MNT: variants seen among roughly 807,000 people sequenced by gnomAD.
MNT encodes the protein MAX network transcriptional repressor.
MNT carries 13 observed loss-of-function variants against 40.7 expected under a neutral mutation model. The observed-to-expected ratio is 0.32, with a 90% confidence interval of 0.21 to 0.51. The LOEUF (loss-of-function observed/expected upper bound fraction) is 0.51, where lower values mean the gene tolerates loss of function less well. Among genes scored for constraint, MNT ranks in the 20% least tolerant of loss-of-function variants. MNT has a pLI of 0.98. For synonymous variants in MNT, 426 were observed against 354.8 expected (o/e 1.20, Z -2.26); for missense variants, 757 against 792.0 (o/e 0.96, Z 0.53).
chr17:2,395,586 C>G lies in MNT; in HGVS notation c.74-132G>C. On this transcript the variant is annotated intron_variant, in intron 1 of 5. Coordinates refer to ENST00000174618, the MANE Select transcript of MNT (RefSeq NM_020310.3). ...CTCAGCGAGAGACACCACAAATAGC[C>G]TACCAGCCCAGCCAGGCACGGGGGA... 3 of 1,469,926 alleles carry G rather than the reference C, an allele frequency of 2.0e-6. No individual in the cohort carries two copies. In the Middle Eastern group the frequency reaches 5.3e-4, roughly 260 times the overall value. The allele number at this position is 1,469,926 out of a possible 1,614,324, so 91.1% of individuals were successfully genotyped here.
chr17:2,388,132 C>T, intron 4 of MNT, 83 bp from the exon 5 acceptor site: 1 of 1,366,146 alleles, frequency 7.3e-7, no homozygotes, highest in Non-Finnish European at 9.9e-7. Flanking sequence ...TCCCTATCAG[C>T]TGGCCCACAG....
At chr17:2,394,505 C>G (rs2151670550) in intron 2 of MNT, among the ~76,000 whole-genome samples, 159 bp from the exon 3 acceptor site, 1 of 152,280 alleles carries the variant, frequency 6.6e-6, no homozygotes, top group Non-Finnish European at 1.5e-5. Context: ...TGCGCCCACC[C>G]CCTGGAGGAC....
chr17:2,391,495 C>G (rs1433876938), intron 4 of MNT: 1 of 152,398 alleles, frequency 6.6e-6, no homozygotes, highest in South Asian at 2.1e-4. Context: ...CCTACAGACC[C>G]CTGCAAGGTT....
rs940047529 is a variant in MNT at position 2,393,934 on chromosome 17, G to C, written c.807+109C>G. The C allele has an allele frequency of 6.1e-5, 38 of 626,528 alleles. No individual in the cohort carries two copies. In the African/African-American group the frequency reaches 7.3e-4, roughly 12 times the overall value. 38.8% of individuals were successfully genotyped at this position (626,528 alleles called of 1,614,324 possible). Reference sequence around the variant, plus strand: ...AGCGCCCGCGTGGAGGTGGGAGGGAGGCGCGGGGGAGCCGCCGGGGCGTGA... The same window carrying C: ...AGCGCCCGCGTGGAGGTGGGAGGGACGCGCGGGGGAGCCGCCGGGGCGTGA... On this transcript the variant is annotated intron_variant, in intron 4 of 5. Coordinates refer to ENST00000174618, the MANE Select transcript of MNT (RefSeq NM_020310.3).
Position 2,386,887 on chromosome 17 carries a change from G to A in MNT, c.*14C>T, listed in dbSNP as rs117112940. 2,261 of 1,456,860 alleles carry A rather than the reference G, an allele frequency of 1.6e-3. 3 individuals are homozygous for A. The highest frequency in any genetic ancestry group is 2.7e-3 in the South Asian group (188 of 68,492). 90.2% of individuals were successfully genotyped at this position (1,456,860 alleles called of 1,614,324 possible). A position where few individuals can be genotyped will look rare whatever the true frequency, so the allele number is the denominator to read the frequency against. ...CTCCCTGTCCCCACTGGGGGCCTCT[G>A]AGTGGCCTCGTCCTCAAGCCAGCTT... On this transcript the variant is annotated 3_prime_UTR_variant, in exon 6 of 6. Coordinates refer to ENST00000174618, the MANE Select transcript of MNT (RefSeq NM_020310.3).
In MNT at chr17:2,399,452, G is replaced by A. The variant is rs550210919; in HGVS notation, c.73+1188C>T. Among the ~76,000 whole-genome samples, 220 of 152,314 alleles carry A rather than the reference G, an allele frequency of 1.4e-3. 1 individual carries two copies. The highest frequency in any genetic ancestry group is 5.0e-3 in the African/African-American group (209 of 41,580). On this transcript the variant is annotated intron_variant, in intron 1 of 5. Transcript: ENST00000174618. Reference sequence around the variant, plus strand: ...ACGTTTTGGGGGTCAGTGGAAAAATGTGAGCTCTAAATGTCTCGTCGCCCT... The same window carrying A: ...ACGTTTTGGGGGTCAGTGGAAAAATATGAGCTCTAAATGTCTCGTCGCCCT...
chr17:2,399,631 G>T (rs2066601173), intron 1 of MNT, among the ~76,000 whole-genome samples: 1 of 152,116 alleles, frequency 6.6e-6, no homozygotes, highest in East Asian at 1.9e-4. Flanking sequence ...CCCAGCGCAA[G>T]GCCCCTTGCC....
At chr17:2,398,540 T>C (rs1203178201) in intron 1 of MNT, among the ~76,000 whole-genome samples, 1 of 152,206 alleles carries the variant, frequency 6.6e-6, no homozygotes, top group African/African-American at 2.4e-5. Context: ...AAATGAATTC[T>C]GGAGGAGAAA....
chr17:2,398,572 ACC>A (rs776546382), intron 1 of MNT, among the ~76,000 whole-genome samples: 1 of 152,150 alleles, frequency 6.6e-6, no homozygotes, highest in Non-Finnish European at 1.5e-5. Context: ...GGTTCCGGAC[ACC>A]CGTACATGAG....
At position 2,400,662 on chromosome 17, in the gene MNT, C is replaced by T; in HGVS notation, c.51G>A (p.Ala17=). The T allele has an allele frequency of 2.5e-6, 4 of 1,586,064 alleles. No homozygotes were observed. The highest frequency in any genetic ancestry group is 1.8e-5 in the Admixed American group (1 of 57,058). ...LEAARFLEWQ[A]QQQQRAREEQ... is the part of the protein sequence containing the mutation. The stretch of plus-strand genomic sequence containing the variant: ...CACCACGTGCTCTCTGTTGTTGCTG[C>T]GCTTGCCATTCCAGGAAGCGGGCCG... Residue 17 remains alanine (A), a synonymous_variant, in exon 1 of 6, where the codon GCG becomes GCA. Coordinates refer to ENST00000174618, the MANE Select transcript of MNT (RefSeq NM_020310.3).
At chr17:2,400,494 C>T in intron 1 of MNT, 146 bp downstream of exon 1, 1 of 613,472 alleles carries the variant, frequency 1.6e-6, no homozygotes, top group Non-Finnish European at 2.7e-6. Context: ...CCTCCCCAGG[C>T]GGCGGCTCTC....
intron 1 of MNT, among the ~76,000 whole-genome samples, chr17:2,395,814 G>A (rs1022411398): frequency 3.3e-5 from 5 of 151,494 alleles, no homozygotes; most frequent in Non-Finnish European, 7.4e-5. Context: ...GAGGAAGGCG[G>A]GTGAGGGCAG....
chr17:2,400,477 C>G lies in MNT; in HGVS notation c.73+163G>C, dbSNP rs1453872713. ...ATTCATTAATTAATTTCACTGCCCACATCACCCCTCCCCAGGCGGCGGCTC... is the reference window on the plus strand; with the variant it reads ...ATTCATTAATTAATTTCACTGCCCAGATCACCCCTCCCCAGGCGGCGGCTC... On this transcript the variant is annotated intron_variant, in intron 1 of 5. Coordinates refer to ENST00000174618, the MANE Select transcript of MNT (RefSeq NM_020310.3). 6 of 567,570 alleles carry G rather than the reference C, an allele frequency of 1.1e-5. No individual in the cohort carries two copies. In the Admixed American group the frequency reaches 2.5e-4, roughly 24 times the overall value. 35.2% of individuals were successfully genotyped at this position (567,570 alleles called of 1,614,324 possible). A position where few individuals can be genotyped will look rare whatever the true frequency, so the allele number is the denominator to read the frequency against.
rs1050800917 is a variant in MNT at position 2,387,611 on chromosome 17, G to A, written c.1039C>T (p.Arg347Trp). The change falls in exon 6 of 6, where the codon CGG becomes TGG. Residue 347 changes from arginine (R) to tryptophan (W), a missense_variant. Arg to Trp is a moderately radical substitution (Grantham distance 101). Transcript: ENST00000174618. Reference sequence around the variant, plus strand: ...AGCTTAGGTGGGCCCAGGCCCGCCCGGTCCTCCTCCATATCCTCGTCTATG... The same window carrying A: ...AGCTTAGGTGGGCCCAGGCCCGCCCAGTCCTCCTCCATATCCTCGTCTATG... ...DNIDEDMEED[R>W]AGLGPPKLSH... 8 of 1,613,958 alleles carry A rather than the reference G, an allele frequency of 5.0e-6. No individual in the cohort carries two copies. In the East Asian group the frequency reaches 8.9e-5, roughly 18 times the overall value.
rs781414415 is a variant in MNT at position 2,395,069 on chromosome 17, C to G, written c.459G>C (p.Ser153=). 7.1e-6 allele frequency: 11 copies of G among 1,543,150 alleles called. No homozygotes were observed. The highest frequency in any genetic ancestry group is 9.6e-6 in the Non-Finnish European group (11 of 1,145,654). Residue 153 remains serine (S), a synonymous_variant, in exon 2 of 6, where the codon TCG becomes TCC. Transcript: ENST00000174618. ...TGCCATTGGGTGGAATGGTGGCCTT[C>G]GAGTCCGGCAGTAGGGGAGCAGGGG... The part of the protein sequence containing the change: ...VPTPAPLLPD[S]KATIPPNGSP...
chr17:2,394,413 C>A, intron 2 of MNT, 67 bp from the exon 3 acceptor site: 1 of 1,606,400 alleles, frequency 6.2e-7, no homozygotes, highest in Non-Finnish European at 8.5e-7. Context: ...TGACCAGCGC[C>A]GCCACCCGCA....
At chr17:2,396,092 G>C (rs955224885) in intron 1 of MNT, among the ~76,000 whole-genome samples, 3 of 152,054 alleles carry the variant, frequency 2.0e-5, no homozygotes, top group African/African-American at 7.3e-5. Flanking sequence ...TCACAAGGAA[G>C]TGCTGACAGT....
Position 2,386,877 on chromosome 17 carries a change from G to A in MNT, c.*24C>T. 6.9e-7 allele frequency: 1 copy of A among 1,452,644 alleles called. No individual in the cohort carries two copies. Among genetic ancestry groups the A allele is most frequent in the South Asian group, 1.5e-5 (1 of 68,082 alleles). 90.0% of individuals were successfully genotyped at this position (1,452,644 alleles called of 1,614,324 possible). ...ACAGGTCCCCCTCCCTGTCCCCACT[G>A]GGGGCCTCTGAGTGGCCTCGTCCTC... On this transcript the variant is annotated 3_prime_UTR_variant, in exon 6 of 6. Transcript: ENST00000174618.
chr17:2,394,926 A>G lies in MNT; in HGVS notation c.602T>C (p.Leu201Ser). 6.2e-7 allele frequency: 1 copy of G among 1,607,034 alleles called. No homozygotes were observed. Among genetic ancestry groups the G allele is most frequent in the South Asian group, 1.1e-5 (1 of 89,844 alleles). Residue 201 changes from leucine to serine, a missense_variant, in exon 2 of 6, where the codon TTG (leucine) becomes TCG (serine). Physicochemically the swap from Leu to Ser is moderately radical, Grantham distance 145. Coordinates refer to ENST00000174618, the MANE Select transcript of MNT (RefSeq NM_020310.3). ...PPPPTLGTLK[L>S]APAEEVKSSE... ...GGATTTGACTTCTTCAGCTGGTGCC[A>G]ACTTCAGGGTCCCCAGCGTGGGTGG...
Sources: allele counts gnomAD v4.1 joint callset (sites outside exome capture counted in the v4.1 genomes callset), GRCh38; gene constraint gnomAD v4.1.1; transcripts MANE v1.5; gene names NCBI Gene and HGNC (gene_info 2026-07-23, HGNC 2026-07-21).